SH3GL2: variants seen among roughly 807,000 people sequenced by gnomAD.
SH3GL2 encodes endophilin-A1.
Under a neutral mutation model 46.0 loss-of-function variants are expected in SH3GL2, and 24 were observed. That is an observed-to-expected ratio of 0.52 (90% CI 0.38 to 0.73). The LOEUF (loss-of-function observed/expected upper bound fraction) is 0.73, where lower values mean the gene tolerates loss of function less well. SH3GL2 is among the 30% of genes least tolerant of loss of function. The pLI, the probability that SH3GL2 is intolerant of heterozygous loss-of-function variation, is 0.00. For missense variants in SH3GL2, 413 were observed against 424.2 expected (o/e 0.97, Z 0.23); for synonymous variants, 196 against 147.1 (o/e 1.33, Z -2.40).
At chr9:17,680,936 A>G (rs1280075335) in intron 1 of SH3GL2, among the ~76,000 whole-genome samples, 1 of 151,906 alleles carries the variant, frequency 6.6e-6, no homozygotes, top group African/African-American at 2.4e-5. Flanking sequence ...GTAGTTGAGC[A>G]GTTTTGAGTG....
chr9:17,622,547 C>T (rs995608115), intron 1 of SH3GL2, among the ~76,000 whole-genome samples: 7 of 152,134 alleles, frequency 4.6e-5, no homozygotes, highest in Non-Finnish European at 7.4e-5. Context: ...CATGTTTCAT[C>T]ATAGGTGTCC....
chr9:17,709,422 ATG>A (rs1342513360), intron 1 of SH3GL2, among the ~76,000 whole-genome samples: 2 of 151,868 alleles, frequency 1.3e-5, no homozygotes, highest in African/African-American at 4.8e-5. Flanking sequence ...CCATACATAA[ATG>A]TGTGATACCC....
intron 1 of SH3GL2, among the ~76,000 whole-genome samples, chr9:17,630,593 G>A (rs3808742): frequency 0.097 from 14,817 of 152,226 alleles, 817 homozygotes; most frequent in South Asian, 0.12. Context: ...CATGCTATAT[G>A]ACTTTTTGCC....
chr9:17,756,757 G>A (rs1367404349), intron 2 of SH3GL2, among the ~76,000 whole-genome samples: 26 of 152,134 alleles, frequency 1.7e-4, no homozygotes, highest in Non-Finnish European at 1.5e-5. Flanking sequence ...CCAAGTCTTT[G>A]CTGTTGTGAA....
intron 2 of SH3GL2, among the ~76,000 whole-genome samples, chr9:17,752,560 C>A (rs1443398830): frequency 6.6e-6 from 1 of 152,028 alleles, no homozygotes; most frequent in Non-Finnish European, 1.5e-5. Context: ...TGTAGTAGCT[C>A]AGTCATAGCT....
chr9:17,724,688 T>C (rs1420527760), intron 1 of SH3GL2, among the ~76,000 whole-genome samples: 2 of 152,160 alleles, frequency 1.3e-5, no homozygotes, highest in Non-Finnish European at 2.9e-5. Flanking sequence ...CTCTCCCTCT[T>C]CTAGGGAAAG....
At chr9:17,671,051 G>T (rs1820462088) in intron 1 of SH3GL2, among the ~76,000 whole-genome samples, 1 of 152,140 alleles carries the variant, frequency 6.6e-6, no homozygotes. Context: ...TGAGAAGATT[G>T]CTGGGTCTTA....
At chr9:17,640,257 A>G (rs7033892) in intron 1 of SH3GL2, among the ~76,000 whole-genome samples, 4,707 of 152,224 alleles carry the variant, frequency 0.031, 256 homozygotes, top group African/African-American at 0.11. Flanking sequence ...GTGTTTCATC[A>G]TTAAATATAA....
chr9:17,793,610 C>A (rs1824195761), intron 8 of SH3GL2, 113 bp downstream of exon 8: 4 of 977,016 alleles, frequency 4.1e-6, no homozygotes, highest in Non-Finnish European at 4.7e-6. Context: ...TGCAGTAATA[C>A]ATTTCTTATG....
In SH3GL2 at chr9:17,738,626, T is replaced by TTATATATATATATA. The variant is rs368436353; in HGVS notation, c.46-8437_46-8424dup. 4.3e-3 allele frequency among the ~76,000 whole-genome samples: 319 copies of TTATATATATATATA among 74,744 alleles called. 9 individuals are homozygous for TTATATATATATATA. Among genetic ancestry groups the TTATATATATATATA allele is most frequent in the East Asian group, 0.015 (33 of 2,144 alleles). 49.0% of individuals were successfully genotyped at this position (74,744 alleles called of 152,430 possible). A position where few individuals can be genotyped will look rare whatever the true frequency, so the allele number is the denominator to read the frequency against. ...TTTCAAGGAATTGCCTCATGTGATT[T>TTATATATATATATA]TATATATATATATATAGAGAGAGAG... On this transcript the variant is annotated intron_variant, in intron 1 of 8. Coordinates refer to ENST00000380607, the MANE Select transcript of SH3GL2 (RefSeq NM_003026.5).
intron 1 of SH3GL2, among the ~76,000 whole-genome samples, chr9:17,599,878 A>G (rs1818638270): frequency 6.6e-6 from 1 of 151,648 alleles, no homozygotes; most frequent in Admixed American, 6.6e-5. Context: ...TAAACGGTGA[A>G]TATATACCTA....
intron 1 of SH3GL2, among the ~76,000 whole-genome samples, chr9:17,624,349 A>G (rs552731999): frequency 6.6e-6 from 1 of 152,306 alleles, no homozygotes; most frequent in African/African-American, 2.4e-5. Flanking sequence ...GTAAGGTCAT[A>G]TAGATATCCT....
intron 1 of SH3GL2, among the ~76,000 whole-genome samples, chr9:17,695,649 G>T (rs192505166): frequency 2.6e-5 from 4 of 151,652 alleles, no homozygotes; most frequent in African/African-American, 7.3e-5. Context: ...TGATGCTCCC[G>T]GGTGGTAGTG....
chr9:17,727,838 C>T (rs1374328058), intron 1 of SH3GL2, among the ~76,000 whole-genome samples: 1 of 152,114 alleles, frequency 6.6e-6, no homozygotes, highest in African/African-American at 2.4e-5. Context: ...CCCCACCCCT[C>T]TCTTCTGGCT....
At chr9:17,676,334 G>A (rs1345903952) in intron 1 of SH3GL2, among the ~76,000 whole-genome samples, 1 of 152,100 alleles carries the variant, frequency 6.6e-6, no homozygotes, top group Non-Finnish European at 1.5e-5. Context: ...GGCTGGGCAC[G>A]GTGGCTCACG....
chr9:17,684,288 T>C (rs1390581668), intron 1 of SH3GL2, among the ~76,000 whole-genome samples: 1 of 151,956 alleles, frequency 6.6e-6, no homozygotes, highest in African/African-American at 2.4e-5. Context: ...AAAAACTTAG[T>C]AACAGAGATG....
chr9:17,670,103 C>T (rs139954619), intron 1 of SH3GL2, among the ~76,000 whole-genome samples: 23 of 152,216 alleles, frequency 1.5e-4, no homozygotes, highest in African/African-American at 5.5e-4. Context: ...ATCATACAGG[C>T]AGGTCCTCAG....
At chr9:17,664,558 A>C (rs1000844656) in intron 1 of SH3GL2, among the ~76,000 whole-genome samples, 2 of 152,122 alleles carry the variant, frequency 1.3e-5, no homozygotes, top group Non-Finnish European at 2.9e-5. Context: ...TAAGTGCATT[A>C]CATATTAAGA....
intron 1 of SH3GL2, among the ~76,000 whole-genome samples, chr9:17,694,408 G>A (rs1470814510): frequency 2.6e-5 from 4 of 151,934 alleles, no homozygotes; most frequent in African/African-American, 9.7e-5. Context: ...TTTTTCTCTG[G>A]GGGATTTCTT....
Sources: gnomAD v4.1 joint callset for allele counts (sites outside exome capture counted in the v4.1 genomes callset) on GRCh38, gnomAD v4.1.1 for gene constraint, MANE v1.5 for transcripts, NCBI Gene and HGNC (gene_info 2026-07-23, HGNC 2026-07-21) for gene names.